GRID2: variants seen among roughly 807,000 people sequenced by gnomAD.
GRID2 encodes the protein glutamate ionotropic receptor delta type subunit 2, also known as glutamate receptor ionotropic, delta-2.
GRID2 carries 33 observed loss-of-function variants against 114.8 expected under a neutral mutation model. The observed-to-expected ratio is 0.29, with a 90% CI of 0.22 to 0.38. The LOEUF (loss-of-function observed/expected upper bound fraction) is 0.38. GRID2 is among the 10% of genes least tolerant of loss of function. The pLI, the probability that GRID2 is intolerant of heterozygous loss-of-function variation, is 1.00. For synonymous variants in GRID2, 505 were observed against 449.9 expected, an observed-to-expected ratio of 1.12 and a Z score of -1.55; for missense variants, 1,184 against 1,257.7, an observed-to-expected ratio of 0.94 and a Z score of 0.89.
intron 8 of GRID2, among the ~76,000 whole-genome samples, chr4:93,385,849 A>T (rs554539728): frequency 6.6e-6 from 1 of 152,270 alleles, no homozygotes; most frequent in South Asian, 2.1e-4. Context: ...TTTTACTGAA[A>T]ATAAAATCTA....
intron 14 of GRID2, among the ~76,000 whole-genome samples, chr4:93,723,156 A>G (rs1729539076): frequency 2.0e-5 from 3 of 152,200 alleles, no homozygotes; most frequent in Admixed American, 2.0e-4. Context: ...GTGTTTTTCC[A>G]TAGTGTTTTA....
At chr4:93,064,131 A>C (rs1578883089) in intron 2 of GRID2, among the ~76,000 whole-genome samples, 1 of 137,462 alleles carries the variant, frequency 7.3e-6, no homozygotes, top group Non-Finnish European at 1.6e-5. Context: ...TTAAAATATA[A>C]TATATATAAT....
At chr4:92,468,888 G>C (rs1212212758) in intron 1 of GRID2, among the ~76,000 whole-genome samples, 1 of 152,116 alleles carries the variant, frequency 6.6e-6, no homozygotes, top group Admixed American at 6.6e-5. Context: ...TAGTCAAACT[G>C]AGGTCAGATG....
intron 1 of GRID2, among the ~76,000 whole-genome samples, chr4:92,473,360 G>A (rs553163542): frequency 9.2e-5 from 14 of 152,044 alleles, no homozygotes; most frequent in African/African-American, 3.1e-4. Context: ...CACATCGGTC[G>A]TCTTATAATA....
At chr4:93,295,289 C>T (rs1057271529) in intron 8 of GRID2, among the ~76,000 whole-genome samples, 4 of 151,886 alleles carry the variant, frequency 2.6e-5, no homozygotes, top group African/African-American at 9.7e-5. Flanking sequence ...TTGGATTTTC[C>T]AACATTAAGA....
chr4:93,245,051 A>G (rs1748046584), intron 8 of GRID2, among the ~76,000 whole-genome samples: 1 of 152,108 alleles, frequency 6.6e-6, no homozygotes, highest in Non-Finnish European at 1.5e-5. Flanking sequence ...AATATTGTGA[A>G]TTGACAATAT....
chr4:92,538,935 G>C (rs1393923465), intron 1 of GRID2, among the ~76,000 whole-genome samples: 1 of 151,894 alleles, frequency 6.6e-6, no homozygotes, highest in African/African-American at 2.4e-5. Flanking sequence ...CCAGCTACTT[G>C]GGAGGCTGAG....
Position 93,513,635 on chromosome 4 carries a change from A to AT in GRID2, c.1998-1578dup, listed in dbSNP as rs1185961382. On this transcript the variant is annotated intron_variant, in intron 12 of 15. Transcript: ENST00000282020. Reference sequence around the variant, plus strand: ...TCGCACTTTCTCTTCAGATAGGATGATTTAAATGCATTATTTTATGCAACA... The same window carrying AT: ...TCGCACTTTCTCTTCAGATAGGATGATTTTAAATGCATTATTTTATGCAACA... Among the ~76,000 whole-genome samples the AT allele has an allele frequency of 7.9e-5, 12 of 152,222 alleles. 1 individual carries two copies. Among genetic ancestry groups the AT allele is most frequent in the Admixed American group, 5.2e-4 (8 of 15,264 alleles).
At chr4:93,345,140 A>G (rs1277029636) in intron 8 of GRID2, among the ~76,000 whole-genome samples, 1 of 152,032 alleles carries the variant, frequency 6.6e-6, no homozygotes, top group Non-Finnish European at 1.5e-5. Flanking sequence ...TCTCTTTAAC[A>G]TACTGATTTT....
chr4:92,413,332 T>G (rs899179680), intron 1 of GRID2, among the ~76,000 whole-genome samples: 2 of 152,214 alleles, frequency 1.3e-5, no homozygotes, highest in African/African-American at 4.8e-5. Context: ...ATGTTAGTTT[T>G]TTTTAAAAAT....
chr4:93,542,549 G>T (rs547895657), intron 13 of GRID2, among the ~76,000 whole-genome samples: 1 of 152,264 alleles, frequency 6.6e-6, no homozygotes, highest in African/African-American at 2.4e-5. Context: ...AGTAAAAAGA[G>T]CAGAAAAGAG....
In GRID2 at chr4:92,411,655, G is replaced by GTATATATATATATATATATATATATA. The variant is rs70940887; in HGVS notation, c.88+106934_88+106935insATATATATATATATATATATATATAT. Among the ~76,000 whole-genome samples the GTATATATATATATATATATATATATA allele has an allele frequency of 1.9e-3, 159 of 84,608 alleles. 1 individual carries two copies. Among genetic ancestry groups the GTATATATATATATATATATATATATA allele is most frequent in the African/African-American group, 3.2e-3 (54 of 17,072 alleles). 55.5% of individuals were successfully genotyped at this position (84,608 alleles called of 152,430 possible). On this transcript the variant is annotated intron_variant, in intron 1 of 15. Transcript: ENST00000282020. ...TGTGTGTGTGTGTGTGTGTGTGTGTGTATATATATATATATATATATATGA... is the reference window on the plus strand; with the variant it reads ...TGTGTGTGTGTGTGTGTGTGTGTGTGTATATATATATATATATATATATATATATATATATATATATATATATATGA...
In GRID2 at chr4:93,522,746, G is replaced by A. The variant is rs1730462365; in HGVS notation, c.2193+7335G>A. Among the ~76,000 whole-genome samples, 5 of 152,186 alleles carry A rather than the reference G, an allele frequency of 3.3e-5. No individual in the cohort carries two copies. The South Asian group carries it at 1.0e-3, about 32-fold the overall frequency. ...AGGATAAAATTGGAAGTAACATGAA[G>A]CTTGTTCTGAGATGACACGTTTGAA... On this transcript the variant is annotated intron_variant, in intron 13 of 15. Coordinates refer to ENST00000282020, the MANE Select transcript of GRID2 (RefSeq NM_001510.4).
chr4:92,890,100 T>C (rs1746652386), intron 2 of GRID2, among the ~76,000 whole-genome samples: 1 of 152,078 alleles, frequency 6.6e-6, no homozygotes, highest in African/African-American at 2.4e-5. Flanking sequence ...CCTTACACCT[T>C]ATACAAAAAT....
At chr4:93,160,560 G>T (rs1417824407) in intron 4 of GRID2, among the ~76,000 whole-genome samples, 1 of 151,576 alleles carries the variant, frequency 6.6e-6, no homozygotes, top group Non-Finnish European at 1.5e-5. Flanking sequence ...TTGCTTTTTG[G>T]CAAGGTTCCT....
chr4:92,377,063 G>T (rs2110229476), intron 1 of GRID2, among the ~76,000 whole-genome samples: 1 of 152,254 alleles, frequency 6.6e-6, no homozygotes, highest in Admixed American at 6.5e-5. Context: ...AATTTCTGCA[G>T]CCTGCTTGAA....
intron 2 of GRID2, among the ~76,000 whole-genome samples, chr4:93,007,181 G>A (rs1029637624): frequency 6.6e-6 from 1 of 152,018 alleles, no homozygotes; most frequent in Admixed American, 6.6e-5. Context: ...TGCCACTGGG[G>A]AAGGAAATGA....
At chr4:93,330,487 T>G (rs112606347) in intron 8 of GRID2, among the ~76,000 whole-genome samples, 4 of 152,332 alleles carry the variant, frequency 2.6e-5, no homozygotes, top group African/African-American at 9.6e-5. Context: ...ATATTTTCAT[T>G]TCTTCATTAA....
intron 1 of GRID2, among the ~76,000 whole-genome samples, chr4:93,786,707 A>T (rs1734601214): frequency 1.3e-5 from 2 of 152,222 alleles, no homozygotes. Context: ...AAAGAATAGA[A>T]AAGCTATCTA....
Sources: allele counts gnomAD v4.1 joint callset (sites outside exome capture counted in the v4.1 genomes callset), GRCh38; gene constraint gnomAD v4.1.1; transcripts MANE v1.5; gene names NCBI Gene and HGNC (gene_info 2026-07-23, HGNC 2026-07-21).